The following PADI1 variants were observed in gnomAD, a reference collection of about 807,000 sequenced individuals.
PADI1 encodes the protein protein-arginine deiminase type-1.
Under a neutral mutation model 74.8 loss-of-function variants are expected in PADI1, and 65 were observed. That is an observed-to-expected ratio of 0.87 (90% CI 0.71 to 1.07). The LOEUF is 1.07. Ranked by LOEUF, PADI1 falls within the 50% of genes least tolerant of loss-of-function variation. The pLI, the probability that PADI1 is intolerant of heterozygous loss-of-function variation, is 0.00. For synonymous variants in PADI1, 371 were observed against 336.2 expected (o/e 1.10, Z -1.13); for missense variants, 943 against 854.0 (o/e 1.10, Z -1.30).
intron 4 of PADI1, among the ~76,000 whole-genome samples, chr1:17,225,100 A>T (rs1453907614): frequency 6.6e-6 from 1 of 152,148 alleles, no homozygotes; most frequent in East Asian, 1.9e-4. Flanking sequence ...AGTGGCATCT[A>T]CCCAGAGGGT....
chr1:17,226,076 C>G lies in PADI1; in HGVS notation c.570C>G (p.Pro190=), dbSNP rs147831146. Residue 190 remains proline (P), a synonymous_variant, in exon 6 of 16, where the codon CCC becomes CCG. Coordinates refer to ENST00000375471, the MANE Select transcript of PADI1 (RefSeq NM_013358.3). ...MSPMLLSCNG[P]DKLFDSHKLV... The stretch of plus-strand genomic sequence containing the variant: ...CAATGCTGCTGAGCTGCAATGGCCC[C>G]GACAAGCTCTTCGACAGCCACAAGC... The G allele has an allele frequency of 1.4e-4, 223 of 1,614,154 alleles. No individual in the cohort carries two copies. The highest frequency in any genetic ancestry group is 7.6e-5 in the Non-Finnish European group (90 of 1,180,022).
chr1:17,224,238 C>T (rs922579574), intron 3 of PADI1, 129 bp from the exon 4 acceptor site: 2 of 753,490 alleles, frequency 2.7e-6, no homozygotes. Context: ...AGTGTGGGGT[C>T]TGACCCCCAG....
chr1:17,229,555 C>T (rs1180574885), intron 8 of PADI1, among the ~76,000 whole-genome samples: 1 of 152,242 alleles, frequency 6.6e-6, no homozygotes, highest in African/African-American at 2.4e-5. Flanking sequence ...CCTGCCAGGC[C>T]TCTGTGCCAG....
intron 15 of PADI1, among the ~76,000 whole-genome samples, chr1:17,242,288 G>A (rs1283489157): frequency 6.6e-6 from 1 of 152,222 alleles, no homozygotes; most frequent in Non-Finnish European, 1.5e-5. Context: ...AGTGTTGTCT[G>A]TTAGAACATT....
At chr1:17,222,195 A>G (rs1167279915) in intron 1 of PADI1, 95 bp from the exon 2 acceptor site, 1 of 844,664 alleles carries the variant, frequency 1.2e-6, no homozygotes, top group Non-Finnish European at 1.9e-6. Context: ...TGCCATTTGA[A>G]CGGCCTGGCA....
chr1:17,217,815 C>T (rs753764549), intron 1 of PADI1, among the ~76,000 whole-genome samples: 3 of 152,156 alleles, frequency 2.0e-5, no homozygotes, highest in Admixed American at 6.5e-5. Context: ...CTTCATTCAT[C>T]GTTTTATCAA....
Position 17,226,109 on chromosome 1 carries a change from G to A in PADI1, c.603G>A (p.Leu201=), listed in dbSNP as rs202004262. Residue 201 remains leucine, a synonymous_variant, in exon 6 of 16, where the codon TTG becomes TTA. Coordinates refer to ENST00000375471, the MANE Select transcript of PADI1 (RefSeq NM_013358.3). ...DKLFDSHKLV[L]NVPFSDSKRV... is the part of the protein sequence containing the mutation. ...TCTTCGACAGCCACAAGCTTGTCTT[G>A]AACGTGCCCTTTTCTGATTCCAAAA... 1 of 1,614,090 alleles carries A rather than the reference G, an allele frequency of 6.2e-7. No individual in the cohort carries two copies. The highest frequency in any genetic ancestry group is 2.2e-5 in the East Asian group (1 of 44,904).
chr1:17,222,213 G>C, intron 1 of PADI1, 77 bp from the exon 2 acceptor site: 1 of 1,092,188 alleles, frequency 9.2e-7, no homozygotes, highest in South Asian at 1.4e-5. Flanking sequence ...GCAGCCCCAA[G>C]CCCCCACCCC....
intron 9 of PADI1, 45 bp from the exon 10 acceptor site, chr1:17,230,527 C>T (rs765679282): frequency 7.2e-7 from 1 of 1,384,264 alleles, no homozygotes; most frequent in Admixed American, 2.0e-5. Flanking sequence ...TTCTGTAAAC[C>T]ACCCGAAAAA....
At chr1:17,219,805 C>T (rs2072085900) in intron 1 of PADI1, among the ~76,000 whole-genome samples, 1 of 151,932 alleles carries the variant, frequency 6.6e-6, no homozygotes, top group South Asian at 2.1e-4. Context: ...ACCTCCAGGC[C>T]CAGGGGCTGG....
intron 1 of PADI1, among the ~76,000 whole-genome samples, chr1:17,206,209 G>C (rs924669521): frequency 1.3e-5 from 2 of 152,214 alleles, no homozygotes; most frequent in African/African-American, 4.8e-5. Flanking sequence ...TGGGTGCTGG[G>C]GGTCTGTTAC....
intron 1 of PADI1, among the ~76,000 whole-genome samples, chr1:17,220,338 C>T (rs1456049514): frequency 6.6e-6 from 1 of 152,092 alleles, no homozygotes; most frequent in African/African-American, 2.4e-5. Flanking sequence ...GCCAAGTGAT[C>T]ATGGCAGAGG....
chr1:17,206,240 T>A (rs74058961), intron 1 of PADI1, among the ~76,000 whole-genome samples: 13,864 of 152,212 alleles, frequency 0.091, 1,978 homozygotes, highest in African/African-American at 0.3. Flanking sequence ...CTGAGCTCCT[T>A]TCTCCCTCTT....
chr1:17,235,042 A>G (rs2072594939), intron 11 of PADI1, among the ~76,000 whole-genome samples: 1 of 151,364 alleles, frequency 6.6e-6, no homozygotes, highest in East Asian at 1.9e-4. Flanking sequence ...GCTTGAATCC[A>G]GGAGGCAGAG....
In PADI1 at chr1:17,245,746, T is replaced by G. The variant is rs2072869492; in HGVS notation, c.*1503T>G. On this transcript the variant is annotated 3_prime_UTR_variant, in exon 16 of 16. Transcript: ENST00000375471. This position sits in a 1 kb window ranked among gnomAD's most constrained non-coding sequence, Gnocchi z 4.1. ...CTCTGCTCAGGATCATACCCCAGCC[T>G]GCACTGAGTCAAGAAGGAGAAGGAG... The G allele has an allele frequency of 6.6e-6, 1 of 152,318 alleles. No individual in the cohort carries two copies. Among genetic ancestry groups the G allele is most frequent in the Non-Finnish European group, 1.5e-5 (1 of 68,136 alleles). The allele number at this position is 152,318 out of a possible 1,614,324, so 9.4% of individuals were successfully genotyped here.
chr1:17,228,604 C>T (rs750187529), intron 6 of PADI1, 21 bp from the exon 7 acceptor site: 21 of 1,613,862 alleles, frequency 1.3e-5, no homozygotes, highest in Non-Finnish European at 1.4e-5. Flanking sequence ...CTCGCTAGCC[C>T]CTGACTCTTG....
chr1:17,243,868 A>G, intron 15 of PADI1, 142 bp from the exon 16 acceptor site: 1 of 616,510 alleles, frequency 1.6e-6, no homozygotes, highest in Non-Finnish European at 2.9e-6. Context: ...CTCTTGAGCA[A>G]ACTCCAGTCC....
chr1:17,243,988 T>G, intron 15 of PADI1, 22 bp from the exon 16 acceptor site: 1 of 1,559,154 alleles, frequency 6.4e-7, no homozygotes, highest in Non-Finnish European at 8.8e-7. Context: ...ACAGCCTCCC[T>G]CTTGCCTTTT....
At position 17,238,696 on chromosome 1, in the gene PADI1, A is replaced by G. The variant is rs1218779171; in HGVS notation, c.1539A>G (p.Ala513=). 6.5e-7 allele frequency: 1 copy of G among 1,527,096 alleles called. No homozygotes were observed. The highest frequency in any genetic ancestry group is 8.9e-7 in the Non-Finnish European group (1 of 1,127,002). 94.6% of individuals were successfully genotyped at this position (1,527,096 alleles called of 1,614,324 possible). ...QEKKEEGYGE[A]AQFDGLKHQA... is the part of the protein sequence containing the mutation. ...AGAAAGAAGAGGGTTATGGGGAGGC[A>G]GCCCAGTTTGATGGTGAGTGCCAAT... The change falls in exon 13 of 16, where the codon GCA becomes GCG. Residue 513 remains alanine, a synonymous_variant. Coordinates refer to ENST00000375471, the MANE Select transcript of PADI1 (RefSeq NM_013358.3).
Sources: gnomAD v4.1 joint callset for allele counts (sites outside exome capture counted in the v4.1 genomes callset) on GRCh38, gnomAD v4.1.1 for gene constraint, Gnocchi (gnomAD v3.1) non-coding constraint, MANE v1.5 for transcripts, NCBI Gene and HGNC (gene_info 2026-07-23, HGNC 2026-07-21) for gene names.